The following PAWR variants were observed in gnomAD, a reference collection of about 807,000 sequenced individuals.
PAWR encodes the protein pro-apoptotic WT1 regulator.
PAWR carries 23 observed loss-of-function variants against 32.0 expected under a neutral mutation model. The ratio of observed to expected loss-of-function variants is 0.72; its 90% confidence interval spans 0.52 to 1.02. The LOEUF (loss-of-function observed/expected upper bound fraction) is 1.02. Among genes scored for constraint, PAWR ranks in the 50% least tolerant of loss-of-function variants. The pLI is 0.00. For synonymous variants in PAWR, 226 were observed against 187.1 expected (o/e 1.21, Z -1.70); for missense variants, 457 against 437.7 (o/e 1.04, Z -0.39).
intron 4 of PAWR, among the ~76,000 whole-genome samples, chr12:79,612,404 T>C (rs1350639216): frequency 6.6e-6 from 1 of 152,144 alleles, no homozygotes; most frequent in African/African-American, 2.4e-5. Flanking sequence ...AATGTTTTAT[T>C]TTAGATGAAA....
At chr12:79,662,896 T>C (rs933428589) in intron 2 of PAWR, among the ~76,000 whole-genome samples, 1 of 152,244 alleles carries the variant, frequency 6.6e-6, no homozygotes, top group African/African-American at 2.4e-5. Context: ...AAAATGATTC[T>C]ATGGTAACAT....
At chr12:79,676,061 A>T (rs2136867387) in intron 2 of PAWR, among the ~76,000 whole-genome samples, 1 of 152,184 alleles carries the variant, frequency 6.6e-6, no homozygotes, top group East Asian at 1.9e-4. Context: ...AGGCAAGTGC[A>T]AAGTTAGCAA....
chr12:79,626,836 G>A (rs1004051297), intron 2 of PAWR, among the ~76,000 whole-genome samples: 7 of 151,886 alleles, frequency 4.6e-5, no homozygotes, highest in East Asian at 1.9e-4. Context: ...GGGAACATGC[G>A]GTGTTTGGTT....
intron 5 of PAWR, among the ~76,000 whole-genome samples, chr12:79,594,945 G>A (rs1225478827): frequency 2.0e-5 from 3 of 152,210 alleles, no homozygotes; most frequent in East Asian, 3.9e-4. Flanking sequence ...TCGAACTCCT[G>A]ACCTCAAGTG....
chr12:79,621,302 G>C, intron 2 of PAWR, 95 bp from the exon 3 acceptor site: 1 of 907,218 alleles, frequency 1.1e-6, no homozygotes. Context: ...AGAAATATTT[G>C]TGCATTCAGA....
At chr12:79,655,750 G>C (rs1877063000) in intron 2 of PAWR, among the ~76,000 whole-genome samples, 1 of 152,196 alleles carries the variant, frequency 6.6e-6, no homozygotes, top group Non-Finnish European at 1.5e-5. Context: ...TTTGCCCTCA[G>C]AGCATCTTTC....
At chr12:79,642,163 A>G (rs546678563) in intron 2 of PAWR, among the ~76,000 whole-genome samples, 1 of 152,332 alleles carries the variant, frequency 6.6e-6, no homozygotes, top group Non-Finnish European at 1.5e-5. Context: ...CTTACCAAAG[A>G]TATCTTCAAT....
At chr12:79,685,522 CACGAGTTCAA>C (rs972720606) in intron 2 of PAWR, among the ~76,000 whole-genome samples, 2 of 152,180 alleles carry the variant, frequency 1.3e-5, no homozygotes, top group Non-Finnish European at 2.9e-5. Flanking sequence ...CTTTCACCAA[CACGAGTTCAA>C]ACTATGGAGT....
chr12:79,652,994 A>G (rs888494585), intron 2 of PAWR, among the ~76,000 whole-genome samples: 9 of 152,060 alleles, frequency 5.9e-5, no homozygotes, highest in Non-Finnish European at 8.8e-5. Context: ...AAAAAAATAA[A>G]TTAATATTCC....
intron 2 of PAWR, among the ~76,000 whole-genome samples, chr12:79,645,163 T>A (rs1876515294): frequency 2.0e-5 from 3 of 152,032 alleles, no homozygotes; most frequent in Non-Finnish European, 4.4e-5. Context: ...ACACATCCCA[T>A]TAGAAATGTT....
intron 2 of PAWR, among the ~76,000 whole-genome samples, chr12:79,640,738 CCCTGT>C (rs1566014776): frequency 6.6e-6 from 1 of 152,044 alleles, no homozygotes. Context: ...CAGAGCAAGA[CCCTGT>C]CTTTAAAAAA....
At chr12:79,645,821 A>C (rs895835441) in intron 2 of PAWR, among the ~76,000 whole-genome samples, 1 of 152,240 alleles carries the variant, frequency 6.6e-6, no homozygotes, top group Non-Finnish European at 1.5e-5. Context: ...CTGAAGGCCC[A>C]TTGGGCCAGC....
intron 4 of PAWR, among the ~76,000 whole-genome samples, chr12:79,605,442 A>C (rs1437199998): frequency 1.3e-5 from 2 of 152,142 alleles, no homozygotes; most frequent in Admixed American, 6.6e-5. Context: ...TGGGTGTCCT[A>C]AACAGCCAGG....
intron 4 of PAWR, among the ~76,000 whole-genome samples, chr12:79,602,770 A>ATTT (rs1037453130): frequency 8.6e-5 from 12 of 139,390 alleles, no homozygotes; most frequent in East Asian, 4.2e-4. Context: ...TACCTGGCTA[A>ATTT]TTTTTTTTTT....
At chr12:79,611,166 C>A (rs1252393879) in intron 4 of PAWR, among the ~76,000 whole-genome samples, 8 of 144,850 alleles carry the variant, frequency 5.5e-5, no homozygotes, top group Admixed American at 4.2e-4. Context: ...TTATATAAAT[C>A]TTATAGATAT....
intron 2 of PAWR, among the ~76,000 whole-genome samples, chr12:79,649,462 T>C (rs535877317): frequency 2.6e-5 from 4 of 152,042 alleles, no homozygotes; most frequent in Non-Finnish European, 5.9e-5. Flanking sequence ...CATTGTCATA[T>C]TAAAAAGTTG....
intron 4 of PAWR, among the ~76,000 whole-genome samples, chr12:79,607,579 A>G (rs1874238400): frequency 6.6e-6 from 1 of 151,874 alleles, no homozygotes; most frequent in Admixed American, 6.6e-5. Flanking sequence ...AAATTTAAAA[A>G]TTAGCTGGGT....
At chr12:79,683,660 G>C (rs555745460) in intron 2 of PAWR, among the ~76,000 whole-genome samples, 1 of 150,828 alleles carries the variant, frequency 6.6e-6, no homozygotes, top group Non-Finnish European at 1.5e-5. Flanking sequence ...AGATGACAGA[G>C]CTTTGCAGAT....
chr12:79,611,207 T>C (rs897080957), intron 4 of PAWR, among the ~76,000 whole-genome samples: 1 of 146,636 alleles, frequency 6.8e-6, no homozygotes, highest in Non-Finnish European at 1.5e-5. Context: ...TATTTATATA[T>C]AAAACTTATA....
Sources: gnomAD v4.1 joint callset for allele counts (sites outside exome capture counted in the v4.1 genomes callset) on GRCh38, gnomAD v4.1.1 for gene constraint, MANE v1.5 for transcripts, NCBI Gene and HGNC (gene_info 2026-07-23, HGNC 2026-07-21) for gene names.